The following CCDC88C variants were observed in gnomAD, a reference collection of about 807,000 sequenced individuals.
The protein encoded by CCDC88C is protein Daple.
Under a neutral mutation model 198.8 loss-of-function variants are expected in CCDC88C, and 131 were observed. The ratio of observed to expected loss-of-function variants is 0.66; its 90% CI spans 0.57 to 0.76. The LOEUF (loss-of-function observed/expected upper bound fraction) is 0.76. CCDC88C is among the 30% of genes least tolerant of loss of function. The pLI is 0.00. For synonymous variants in CCDC88C, 1,166 were observed against 1,114.7 expected (o/e 1.05, Z -0.92); for missense variants, 2,553 against 2,631.6 (o/e 0.97, Z 0.65).
At chr14:91,314,590 C>T (rs1207434070) in intron 14 of CCDC88C, among the ~76,000 whole-genome samples, 1 of 152,196 alleles carries the variant, frequency 6.6e-6, no homozygotes, top group Non-Finnish European at 1.5e-5. Flanking sequence ...CTGGCTCTTT[C>T]TTATACTTGG....
rs768940511 is a variant in CCDC88C at position 91,285,357 on chromosome 14, T to C, written c.4442-1840A>G. On this transcript the variant is annotated intron_variant, in intron 25 of 29. Transcript: ENST00000389857. ...CACGGGCAAAACATAAGCTCGCAGG[T>C]GCAAGAGACGGGAGGGGGGCACGGC... 8 of 444,866 alleles carry C rather than the reference T, an allele frequency of 1.8e-5. 1 individual carries two copies. Among genetic ancestry groups the C allele is most frequent in the South Asian group, 1.1e-4 (7 of 63,206 alleles). 27.6% of individuals were successfully genotyped at this position (444,866 alleles called of 1,614,324 possible). A position where few individuals can be genotyped will look rare whatever the true frequency, so the allele number is the denominator to read the frequency against.
intron 2 of CCDC88C, among the ~76,000 whole-genome samples, chr14:91,410,782 T>A (rs567144475): frequency 9.2e-5 from 14 of 152,234 alleles, no homozygotes; most frequent in Non-Finnish European, 1.8e-4. Context: ...TCAGAGAACA[T>A]GCAGCGCTTT....
At chr14:91,394,087 T>C (rs1001043844) in intron 3 of CCDC88C, among the ~76,000 whole-genome samples, 10 of 152,154 alleles carry the variant, frequency 6.6e-5, no homozygotes, top group African/African-American at 2.2e-4. Flanking sequence ...GCAAAAATTT[T>C]AGTCTTAAAA....
chr14:91,397,347 T>C (rs570559469), intron 3 of CCDC88C, among the ~76,000 whole-genome samples: 47 of 152,276 alleles, frequency 3.1e-4, no homozygotes, highest in African/African-American at 1.1e-3. Context: ...GAGGAAATGA[T>C]GGCCGCTCCT....
At chr14:91,281,611 TC>T in intron 26 of CCDC88C, 86 bp from the exon 27 acceptor site, 1 of 1,121,896 alleles carries the variant, frequency 8.9e-7, no homozygotes, top group Non-Finnish European at 1.3e-6. Flanking sequence ...GGCACCCGGA[TC>T]CCAGTAGCTC....
chr14:91,272,779 G>T lies in CCDC88C; in HGVS notation c.5933C>A (p.Pro1978Gln), dbSNP rs780317326. The T allele has an allele frequency of 1.2e-6, 2 of 1,605,942 alleles. No individual in the cohort carries two copies. The highest frequency in any genetic ancestry group is 1.7e-6 in the Non-Finnish European group (2 of 1,177,542). ...GGGAGACCGACCTGGGCTCTTGGCC[G>T]GAAGCCCCTCACTGCAGCCCTGCCC... Reference protein sequence around the residue: ...VPGQGCSEGLPAKSPGRSPDL... With the variant: ...VPGQGCSEGLQAKSPGRSPDL... Residue 1978 changes from proline (P) to glutamine (Q), a missense_variant, in exon 30 of 30, where the codon CCG becomes CAG. Pro to Gln is a moderately conservative substitution (Grantham distance 76). This residue lies in a region of CCDC88C where 1,293 missense variants were observed against 1,219.6 expected (regional missense o/e 1.06). Coordinates refer to ENST00000389857, the MANE Select transcript of CCDC88C (RefSeq NM_001080414.4).
At chr14:91,323,059 C>G (rs1452341346) in intron 12 of CCDC88C, among the ~76,000 whole-genome samples, 2 of 152,064 alleles carry the variant, frequency 1.3e-5, no homozygotes, top group Non-Finnish European at 2.9e-5. Context: ...GTGTGCACCA[C>G]CACGCCTGAC....
At chr14:91,281,958 G>C (rs1890216279) in intron 26 of CCDC88C, among the ~76,000 whole-genome samples, 1 of 152,194 alleles carries the variant, frequency 6.6e-6, no homozygotes, top group Non-Finnish European at 1.5e-5. Flanking sequence ...TCTACTCCTT[G>C]AGGGGAGAGG....
Position 91,297,452 on chromosome 14 carries a change from C to T in CCDC88C, c.3819G>A (p.Glu1273=). 6.3e-7 allele frequency: 1 copy of T among 1,579,572 alleles called. No homozygotes were observed. ...GCTCCTTGGTGTGGGCGTGCAGCTC[C>T]TCGTACTCCCCCTTCAGCTGGTGGT... ...FLHHQLKGEY[E]ELHAHTKELK... is the part of the protein sequence containing the mutation. The change falls in exon 22 of 30, where the codon GAG becomes GAA. Residue 1273 remains glutamate (E), a synonymous_variant. Transcript: ENST00000389857.
chr14:91,311,970 A>T (rs200647116), intron 15 of CCDC88C, among the ~76,000 whole-genome samples: 1 of 147,484 alleles, frequency 6.8e-6, no homozygotes, highest in Non-Finnish European at 1.5e-5. Context: ...AAATAAATTT[A>T]AAAAAAACTT....
rs1034232250 is a variant in CCDC88C at position 91,372,055 on chromosome 14, C to T, written c.271-12344G>A. The stretch of plus-strand genomic sequence containing the variant: ...ACAGCACAAGGGGTACCAGCACTCC[C>T]GAGTGACCAGGCCTCCTTGTCCAGT... On this transcript the variant is annotated intron_variant, in intron 3 of 29. Transcript: ENST00000389857. Among the ~76,000 whole-genome samples, 6 of 152,128 alleles carry T rather than the reference C, an allele frequency of 3.9e-5. 1 individual carries two copies. The East Asian group carries it at 5.8e-4, about 15-fold the overall frequency.
At chr14:91,370,310 C>T (rs1894734766) in intron 3 of CCDC88C, among the ~76,000 whole-genome samples, 1 of 152,254 alleles carries the variant, frequency 6.6e-6, no homozygotes, top group Admixed American at 6.5e-5. Context: ...AGGCACAGCA[C>T]ATCTTTATGG....
chr14:91,386,181 C>T (rs566500047), intron 3 of CCDC88C, among the ~76,000 whole-genome samples: 13 of 151,716 alleles, frequency 8.6e-5, no homozygotes, highest in African/African-American at 2.4e-4. Context: ...CGGTGGCTCA[C>T]GCTTGTAATC....
intron 13 of CCDC88C, among the ~76,000 whole-genome samples, chr14:91,320,783 C>T (rs920679636): frequency 3.9e-5 from 6 of 152,156 alleles, no homozygotes; most frequent in Non-Finnish European, 8.8e-5. Flanking sequence ...GGAGCAGTGG[C>T]GTGGAAGAGA....
chr14:91,316,049 C>CG (rs889887741), intron 13 of CCDC88C, among the ~76,000 whole-genome samples: 3 of 152,200 alleles, frequency 2.0e-5, no homozygotes, highest in Non-Finnish European at 4.4e-5. Flanking sequence ...CGCCTGAGGC[C>CG]GCCACCGCTG....
chr14:91,332,496 T>C (rs1892878864), intron 10 of CCDC88C, among the ~76,000 whole-genome samples: 1 of 152,208 alleles, frequency 6.6e-6, no homozygotes, highest in East Asian at 1.9e-4. Context: ...CCAAAATTAA[T>C]CTGCCCTTGC....
intron 15 of CCDC88C, 128 bp downstream of exon 15, chr14:91,312,952 G>C (rs779098288): frequency 4.4e-6 from 3 of 689,068 alleles, no homozygotes; most frequent in African/African-American, 1.8e-5. Context: ...TTTAGGTATT[G>C]CTGTTTAGAA....
chr14:91,320,512 T>G (rs1301841438), intron 13 of CCDC88C, among the ~76,000 whole-genome samples: 1 of 152,220 alleles, frequency 6.6e-6, no homozygotes, highest in African/African-American at 2.4e-5. Flanking sequence ...CTAAGCCATC[T>G]AGGCAATAGC....
intron 3 of CCDC88C, among the ~76,000 whole-genome samples, chr14:91,388,098 G>A (rs551162593): frequency 3.9e-5 from 6 of 152,194 alleles, no homozygotes; most frequent in Non-Finnish European, 8.8e-5. Flanking sequence ...CACACCATCA[G>A]GACTTGCTCT....
Sources: gnomAD v4.1 joint callset for allele counts (sites outside exome capture counted in the v4.1 genomes callset) on GRCh38, gnomAD v4.1.1 for gene constraint, gnomAD v4.1.1 regional missense constraint, MANE v1.5 for transcripts, NCBI Gene and HGNC (gene_info 2026-07-23, HGNC 2026-07-21) for gene names.